Variants in ZNF33A observed in about 807,000 individuals in gnomAD.
ZNF33A encodes the protein brain my041 protein.
In ZNF33A, 9 loss-of-function variants were observed where a neutral mutation model predicts 15.9. The observed-to-expected ratio is 0.57, with a 90% CI of 0.34 to 0.99. The LOEUF is 0.99. ZNF33A is among the 50% of genes least tolerant of loss of function. The pLI, the probability that ZNF33A is intolerant of heterozygous loss-of-function variation, is 0.02. For missense variants in ZNF33A, 843 were observed against 941.6 expected (o/e 0.90, Z 1.37); for synonymous variants, 294 against 324.2 (o/e 0.91, Z 1.00).
intron 4 of ZNF33A, among the ~76,000 whole-genome samples, chr10:38,019,014 T>C (rs1304096760): frequency 6.6e-6 from 1 of 152,014 alleles, no homozygotes; most frequent in African/African-American, 2.4e-5. Context: ...CTTTAAGTTT[T>C]AGGGTACATG....
rs1312078080 is a variant in ZNF33A, at chr10:38,056,192, GA to G, written c.2069del (p.Glu690GlyfsTer83). ...TTTCCATGAGAGAAAGCACACGGGG[GA>G]GAAACCCTATGAATGCAATGAATGT... is the stretch of plus-strand genomic sequence containing the variant. Reference protein sequence around the residue: ...LIFHERKHTGEKPYECNECGK... With the variant: ...LIFHERKHTGXKPYECNECGK... On this transcript the variant is annotated frameshift_variant, in exon 5 of 5. Transcript: ENST00000432900. LOFTEE classifies it low-confidence loss of function (END_TRUNC). 2.5e-6 allele frequency: 4 copies of G among 1,613,966 alleles called. No homozygotes were observed. Among genetic ancestry groups the G allele is most frequent in the Non-Finnish European group, 3.4e-6 (4 of 1,179,990 alleles).
downstream of ZNF33A, chr10:38,064,248 A>G: frequency 1.3e-6 from 1 of 784,388 alleles, no homozygotes; most frequent in South Asian, 1.8e-5. Context: ...CAACACTAGC[A>G]TGCTGTGGAA....
chr10:38,016,272 C>G (rs1160868547), intron 2 of ZNF33A, among the ~76,000 whole-genome samples: 2 of 152,126 alleles, frequency 1.3e-5, no homozygotes, highest in African/African-American at 4.8e-5. Flanking sequence ...CAGTAATATT[C>G]TTGAAAATGG....
At chr10:38,019,440 A>G (rs1482309963) in intron 4 of ZNF33A, among the ~76,000 whole-genome samples, 1 of 152,176 alleles carries the variant, frequency 6.6e-6, no homozygotes, top group Non-Finnish European at 1.5e-5. Context: ...GTGCCGCTAT[A>G]AACATACGTG....
chr10:38,016,473 G>A (rs1352520676), intron 2 of ZNF33A, among the ~76,000 whole-genome samples: 1 of 152,154 alleles, frequency 6.6e-6, no homozygotes, highest in Non-Finnish European at 1.5e-5. Context: ...GTAATAGAGT[G>A]TTTTTCATAA....
rs2066548816 is a variant in ZNF33A at position 38,057,852 on chromosome 10, CCAGGGCTGTT to C, written c.*1293_*1302del. 7.1e-6 allele frequency: 7 copies of C among 985,252 alleles called. 1 individual carries two copies. The highest frequency in any genetic ancestry group is 5.2e-4 in the Middle Eastern group (1 of 1,936). The allele number at this position is 985,252 out of a possible 1,614,324, so 61.0% of individuals were successfully genotyped here. Reference sequence around the variant, plus strand: ...GCCCACACATACAGCCCAGGGCTGCCCAGGGCTGTTGGACTGTCATTTCAAGGCTCATTGT... The same window carrying C: ...GCCCACACATACAGCCCAGGGCTGCCGGACTGTCATTTCAAGGCTCATTGT... On this transcript the variant is annotated 3_prime_UTR_variant, in exon 5 of 5. Transcript: ENST00000432900.
chr10:38,024,167 A>AC (rs1308525576), intron 4 of ZNF33A, among the ~76,000 whole-genome samples: 1 of 137,610 alleles, frequency 7.3e-6, no homozygotes, highest in African/African-American at 2.5e-5. Context: ...ACAAAACAAA[A>AC]AAAAAAAAAA....
chr10:38,034,148 T>C (rs1365068322), intron 4 of ZNF33A, among the ~76,000 whole-genome samples: 1 of 152,244 alleles, frequency 6.6e-6, no homozygotes, highest in Non-Finnish European at 1.5e-5. Context: ...CAGTTTCTGC[T>C]GTCGTTAACA....
rs1312284285 is a variant in ZNF33A, at chr10:38,058,624, A to T, written c.*2064A>T. 3 of 152,154 alleles carry T rather than the reference A, an allele frequency of 2.0e-5. No individual in the cohort carries two copies. The highest frequency in any genetic ancestry group is 4.4e-5 in the Non-Finnish European group (3 of 68,056). The allele number at this position is 152,154 out of a possible 1,614,324, so 9.4% of individuals were successfully genotyped here. On this transcript the variant is annotated 3_prime_UTR_variant, in exon 5 of 5. Coordinates refer to ENST00000432900, the MANE Select transcript of ZNF33A (RefSeq NM_006954.2). The stretch of plus-strand genomic sequence containing the variant: ...CTATCTACTAAAAATACAAAAAATT[A>T]GCTGGGCATGGTGGCATGCGTGTGT...
At position 38,055,615 on chromosome 10, in the gene ZNF33A, T is replaced by G; in HGVS notation, c.1491T>G (p.Tyr497Ter). The change falls in exon 5 of 5, where the codon TAT becomes TAG. Residue 497 changes from tyrosine to a stop codon, truncating the protein, a stop_gained. Coordinates refer to ENST00000432900, the MANE Select transcript of ZNF33A (RefSeq NM_006954.2). LOFTEE classifies it low-confidence loss of function (END_TRUNC). The stretch of plus-strand genomic sequence containing the variant: ...GAATTCACATAGGAGATAAATCTTA[T>G]GAATGTAATGCATGTGGGAAAACTT... The part of the protein sequence containing the change: ...HQRIHIGDKS[Y>*]ECNACGKTFY... 6.2e-7 allele frequency: 1 copy of G among 1,614,124 alleles called. No homozygotes were observed. Among genetic ancestry groups the G allele is most frequent in the Non-Finnish European group, 8.5e-7 (1 of 1,180,000 alleles).
At position 38,011,106 on chromosome 10, in the gene ZNF33A, G is replaced by A. The variant is rs537806621; in HGVS notation, c.-45+323G>A. Among the ~76,000 whole-genome samples the A allele has an allele frequency of 1.1e-4, 17 of 152,356 alleles. No individual in the cohort carries two copies. In the East Asian group the frequency reaches 3.1e-3, roughly 28 times the overall value. ...CTAGCCTGTGCGCGTGTGCTAGGGC[G>A]CCGCGGTACGTGGGCGGGGAAAGGC... On this transcript the variant is annotated intron_variant, in intron 1 of 4. Coordinates refer to ENST00000432900, the MANE Select transcript of ZNF33A (RefSeq NM_006954.2).
rs144842086 is a variant in ZNF33A at position 38,039,101 on chromosome 10, C to A, written c.251-15274C>A. On this transcript the variant is annotated intron_variant, in intron 4 of 4. Transcript: ENST00000432900. Reference sequence around the variant, plus strand: ...TCATAGAATGAGCTGGCAAGTGTTTCTTCTTATTTTCTTGGAGTTTTTGAG... The same window carrying A: ...TCATAGAATGAGCTGGCAAGTGTTTATTCTTATTTTCTTGGAGTTTTTGAG... 1.0e-3 allele frequency among the ~76,000 whole-genome samples: 154 copies of A among 150,634 alleles called. 3 individuals carry two copies. The East Asian group carries it at 0.024, about 24-fold the overall frequency.
At chr10:38,027,978 C>T (rs1395067789) in intron 4 of ZNF33A, among the ~76,000 whole-genome samples, 1 of 152,030 alleles carries the variant, frequency 6.6e-6, no homozygotes, top group Non-Finnish European at 1.5e-5. Flanking sequence ...GTAGTTTGAT[C>T]ATGATTTTAA....
chr10:38,013,165 C>G (rs1212713994), intron 2 of ZNF33A, among the ~76,000 whole-genome samples: 2 of 148,384 alleles, frequency 1.3e-5, no homozygotes, highest in African/African-American at 5.0e-5. Flanking sequence ...TTCTGGAGTA[C>G]AGTGGCGCGA....
intron 4 of ZNF33A, among the ~76,000 whole-genome samples, chr10:38,041,123 A>G (rs950908950): frequency 2.0e-4 from 30 of 151,738 alleles, no homozygotes; most frequent in Admixed American, 1.8e-3. Context: ...AATATATTTT[A>G]TTTTATTATT....
downstream of ZNF33A, among the ~76,000 whole-genome samples, chr10:38,067,593 G>A (rs1449967675): frequency 6.6e-6 from 1 of 152,166 alleles, no homozygotes; most frequent in Admixed American, 6.5e-5. Context: ...CCGGGTTCAA[G>A]GTGTTGAGTC....
intron 4 of ZNF33A, among the ~76,000 whole-genome samples, chr10:38,038,488 T>C (rs2065550637): frequency 6.6e-6 from 1 of 152,220 alleles, no homozygotes. Flanking sequence ...TTATTAGTTT[T>C]AATAGTGTTT....
chr10:38,064,020 C>G (rs2066686215), downstream of ZNF33A: 3 of 1,462,298 alleles, frequency 2.1e-6, no homozygotes, highest in Non-Finnish European at 2.8e-6. Flanking sequence ...GGCTTTCAGG[C>G]CATCTTCACA....
chr10:38,061,062 C>T (rs1249358872), downstream of ZNF33A, among the ~76,000 whole-genome samples: 1 of 152,108 alleles, frequency 6.6e-6, no homozygotes, highest in Admixed American at 6.5e-5. Flanking sequence ...GCATTTGAGC[C>T]CCACTTTCCA....
Sources: allele counts gnomAD v4.1 joint callset (sites outside exome capture counted in the v4.1 genomes callset), GRCh38; gene constraint gnomAD v4.1.1; transcripts MANE v1.5; gene names NCBI Gene and HGNC (gene_info 2026-07-23, HGNC 2026-07-21).